The following EWSR1 variants were observed in gnomAD, a reference collection of about 807,000 sequenced individuals.
EWSR1 encodes the protein EWS RNA binding protein 1.
A neutral mutation model predicts 92.1 loss-of-function variants in EWSR1; 14 were observed. The ratio of observed to expected loss-of-function variants is 0.15; its 90% confidence interval spans 0.10 to 0.24. The LOEUF (loss-of-function observed/expected upper bound fraction) is 0.24, where lower values mean the gene tolerates loss of function less well. Among genes scored for constraint, EWSR1 ranks in the 10% least tolerant of loss-of-function variants. EWSR1 has a pLI of 1.00. For missense variants in EWSR1, 637 were observed against 870.9 expected (o/e 0.73, Z 3.38); for synonymous variants, 303 against 292.9 (o/e 1.03, Z -0.35).
intron 4 of EWSR1, 38 bp downstream of exon 4, chr22:29,273,902 G>A: frequency 1.2e-6 from 2 of 1,611,400 alleles, no homozygotes; most frequent in Non-Finnish European, 1.7e-6. Context: ...GGTCGTTCTG[G>A]CTAGGGCATT....
In EWSR1 at chr22:29,272,263, C is replaced by T. The variant is rs1569044107; in HGVS notation, c.50+11C>T. On this transcript the variant is annotated intron_variant, in intron 2 of 16. Coordinates refer to ENST00000397938, the MANE Select transcript of EWSR1 (RefSeq NM_005243.4). ...TGCAGCGCAGCAGGGGTAAGTCAGTCTTTTATAACCGTATTTTGTGTGTGA... is the reference window on the plus strand; with the variant it reads ...TGCAGCGCAGCAGGGGTAAGTCAGTTTTTTATAACCGTATTTTGTGTGTGA... 15 of 1,613,920 alleles carry T rather than the reference C, an allele frequency of 9.3e-6. No individual in the cohort carries two copies. The highest frequency in any genetic ancestry group is 1.3e-5 in the Non-Finnish European group (15 of 1,179,856).
Position 29,270,201 on chromosome 22 carries a change from T to C in EWSR1, c.13+1852T>C, listed in dbSNP as rs1222725063. On this transcript the variant is annotated intron_variant, in intron 1 of 16. Transcript: ENST00000397938. ...TGCTCTAAAGTGTTAAACCGTTGCC[T>C]TGGGTTAATAATAGAAGTTTTCTCT... Among the ~76,000 whole-genome samples, 4 of 152,322 alleles carry C rather than the reference T, an allele frequency of 2.6e-5. 1 individual carries two copies. Among genetic ancestry groups the C allele is most frequent in the Admixed American group, 2.6e-4 (4 of 15,296 alleles).
At chr22:29,285,401 C>A (rs914132273) in intron 6 of EWSR1, among the ~76,000 whole-genome samples, 3 of 151,208 alleles carry the variant, frequency 2.0e-5, no homozygotes, top group African/African-American at 7.4e-5. Flanking sequence ...GGATTACAGG[C>A]ATGAGCCTTC....
chr22:29,295,940 G>C (rs1249912916), intron 11 of EWSR1: 4 of 352,140 alleles, frequency 1.1e-5, no homozygotes, highest in Non-Finnish European at 2.1e-5. Flanking sequence ...GTGCTCAGTG[G>C]ATACCTGTCT....
Position 29,295,914 on chromosome 22 carries a change from C to A in EWSR1, c.1165-325C>A, listed in dbSNP as rs1010205668. The stretch of plus-strand genomic sequence containing the variant: ...ATGTGGTGGTATCAAAGTCTGACTA[C>A]CCCTACGAGGTGGCTGTGCTCAGTG... On this transcript the variant is annotated intron_variant, in intron 11 of 16. Coordinates refer to ENST00000397938, the MANE Select transcript of EWSR1 (RefSeq NM_005243.4). 1.0e-5 allele frequency: 3 copies of A among 298,980 alleles called. No homozygotes were observed. The South Asian group carries it at 1.9e-4, about 19-fold the overall frequency. The allele number at this position is 298,980 out of a possible 1,614,324, so 18.5% of individuals were successfully genotyped here. A position where few individuals can be genotyped will look rare whatever the true frequency, so the allele number is the denominator to read the frequency against.
In EWSR1 at chr22:29,280,064, G is replaced by C. The variant is rs181398607; in HGVS notation, c.413+1848G>C. 2.0e-5 allele frequency among the ~76,000 whole-genome samples: 3 copies of C among 152,232 alleles called. No homozygotes were observed. The East Asian group carries it at 5.8e-4, about 29-fold the overall frequency. On this transcript the variant is annotated intron_variant, in intron 5 of 16. Transcript: ENST00000397938. ...AAAGTTAGTACTTCACACCCTCTCT[G>C]GTTTTTCTGGGTTGGTTGGTTGGTT...
At chr22:29,282,064 G>A (rs753488127) in intron 5 of EWSR1, among the ~76,000 whole-genome samples, 2 of 152,074 alleles carry the variant, frequency 1.3e-5, no homozygotes, top group African/African-American at 2.4e-5. Context: ...CACTTCTCCC[G>A]GATCACCTAA....
intron 9 of EWSR1, 93 bp from the exon 10 acceptor site, chr22:29,292,044 G>T: frequency 1.9e-6 from 2 of 1,052,858 alleles, no homozygotes; most frequent in Non-Finnish European, 3.0e-6. Flanking sequence ...CCCATCAAAT[G>T]GTGGTATAGT....
chr22:29,277,891 C>T (rs1420120363), intron 4 of EWSR1, 139 bp from the exon 5 acceptor site: 1 of 709,956 alleles, frequency 1.4e-6, no homozygotes, highest in African/African-American at 1.8e-5. Context: ...TGTTGCTACT[C>T]TTGCGGAAGG....
Position 29,286,982 on chromosome 22 carries a change from A to G in EWSR1, c.641A>G (p.Tyr214Cys), listed in dbSNP as rs1237654292. 1.2e-6 allele frequency: 2 copies of G among 1,613,552 alleles called. No homozygotes were observed. The highest frequency in any genetic ancestry group is 1.7e-6 in the Non-Finnish European group (2 of 1,179,812). Residue 214 changes from tyrosine (Y) to cysteine (C), a missense_variant, in exon 7 of 17, where the codon TAT (tyrosine) becomes TGT (cysteine). Around this residue, in one of 5 missense-constraint regions of EWSR1, gnomAD observed 116 missense variants for 167.8 expected, o/e 0.69. Coordinates refer to ENST00000397938, the MANE Select transcript of EWSR1 (RefSeq NM_005243.4). ...DQSSYSQQNT[Y>C]GQPSSYGQQS... ...AGCAGTTACTCTCAGCAGAACACCT[A>G]TGGGCAACCGAGCAGCTATGGACAG...
At chr22:29,280,862 GTTTTTTTTTTT>G (rs71196650) in intron 5 of EWSR1, among the ~76,000 whole-genome samples, 1 of 62,868 alleles carries the variant, frequency 1.6e-5, no homozygotes, top group African/African-American at 5.7e-5. Flanking sequence ...TGTGTGTGTT[GTTTTTTTTTTT>G]TTTTTTTTTT....
intron 6 of EWSR1, among the ~76,000 whole-genome samples, chr22:29,285,429 G>T (rs986425572): frequency 6.6e-6 from 1 of 151,182 alleles, no homozygotes; most frequent in African/African-American, 2.5e-5. Context: ...GCCAATACCA[G>T]TTCTTTTCAA....
chr22:29,290,855 A>G (rs980400642), intron 8 of EWSR1: 8 of 284,788 alleles, frequency 2.8e-5, no homozygotes, highest in African/African-American at 4.3e-5. Flanking sequence ...ATCTAACCCA[A>G]AAAGTCCAAT....
chr22:29,279,593 G>T (rs1300420297), intron 5 of EWSR1, among the ~76,000 whole-genome samples: 4 of 152,212 alleles, frequency 2.6e-5, no homozygotes, highest in Admixed American at 2.6e-4. Flanking sequence ...TGTGTATACA[G>T]TCTTGAAAGG....
At chr22:29,287,200 T>G in intron 7 of EWSR1, 66 bp downstream of exon 7, 2 of 1,492,476 alleles carry the variant, frequency 1.3e-6, no homozygotes, top group Non-Finnish European at 1.8e-6. Context: ...TGGGGTTGAT[T>G]TTTTTTGTTG....
At chr22:29,277,939 AAG>A (rs1222971389) in intron 4 of EWSR1, 89 bp from the exon 5 acceptor site, 6 of 1,153,392 alleles carry the variant, frequency 5.2e-6, no homozygotes, top group Non-Finnish European at 7.4e-6. Context: ...TGATGGTTTA[AAG>A]TAAGTGGTTT....
At chr22:29,280,228 C>T (rs943586763) in intron 5 of EWSR1, among the ~76,000 whole-genome samples, 13 of 151,998 alleles carry the variant, frequency 8.6e-5, no homozygotes, top group South Asian at 4.1e-4. Flanking sequence ...CCACCATGCC[C>T]GGCTAATTTT....
intron 8 of EWSR1, chr22:29,289,722 C>T (rs28755): frequency 0.63 from 145,278 of 231,954 alleles, 46,453 homozygotes; most frequent in African/African-American, 0.78. Context: ...TTTTAAAAAA[C>T]AGAATGAACT....
At chr22:29,299,083 G>C in intron 14 of EWSR1, 151 bp from the exon 15 acceptor site, 2 of 1,480,298 alleles carry the variant, frequency 1.4e-6, no homozygotes, top group Non-Finnish European at 1.8e-6. Flanking sequence ...GACCTGTCCT[G>C]TGGGTGCAAT....
Sources: gnomAD v4.1 joint callset for allele counts (sites outside exome capture counted in the v4.1 genomes callset) on GRCh38, gnomAD v4.1.1 for gene constraint, gnomAD v4.1.1 regional missense constraint, MANE v1.5 for transcripts, NCBI Gene and HGNC (gene_info 2026-07-23, HGNC 2026-07-21) for gene names.